STK17B: variants seen among roughly 807,000 people sequenced by gnomAD.
STK17B encodes serine/threonine-protein kinase 17B.
Under a neutral mutation model 42.0 loss-of-function variants are expected in STK17B, and 21 were observed. That is an observed-to-expected ratio of 0.50 (90% confidence interval 0.35 to 0.72). STK17B has a LOEUF of 0.72. STK17B is among the 30% of genes least tolerant of loss of function. The pLI is 0.00. For missense variants in STK17B, 349 were observed against 446.0 expected (o/e 0.78, Z 1.96); for synonymous variants, 143 against 148.4 (o/e 0.96, Z 0.26).
intron 6 of STK17B, among the ~76,000 whole-genome samples, chr2:196,140,107 A>G (rs899473035): frequency 2.6e-5 from 4 of 152,224 alleles, no homozygotes; most frequent in African/African-American, 9.6e-5. Flanking sequence ...AGCATTTCCT[A>G]AGTGGTTTCC....
chr2:196,142,063 T>C (rs188105364), intron 5 of STK17B, among the ~76,000 whole-genome samples: 1 of 152,352 alleles, frequency 6.6e-6, no homozygotes, highest in Admixed American at 6.5e-5. Context: ...ATGCTAGATT[T>C]TCTTTTTTCT....
At chr2:196,144,242 G>A (rs2105682711) in intron 4 of STK17B, among the ~76,000 whole-genome samples, 1 of 151,556 alleles carries the variant, frequency 6.6e-6, no homozygotes, top group African/African-American at 2.4e-5. Context: ...TGTAATCCCA[G>A]GACTTTGGGA....
At chr2:196,138,541 G>A (rs16845437) in intron 7 of STK17B, among the ~76,000 whole-genome samples, 10,153 of 151,796 alleles carry the variant, frequency 0.067, 854 homozygotes, top group African/African-American at 0.2. Context: ...TTTGAAAGAC[G>A]GTGCTTAACT....
chr2:196,158,014 T>C (rs1699761556), intron 2 of STK17B, among the ~76,000 whole-genome samples: 1 of 152,168 alleles, frequency 6.6e-6, no homozygotes, highest in Non-Finnish European at 1.5e-5. Flanking sequence ...GTATAGGGGA[T>C]CCAAAATTAA....
chr2:196,156,274 A>G (rs540526815), intron 3 of STK17B, 165 bp downstream of exon 3: 1 of 604,794 alleles, frequency 1.7e-6, no homozygotes, highest in African/African-American at 1.9e-5. Context: ...GCCCGAGGCT[A>G]TACATTTAGT....
At chr2:196,172,207 T>TG (rs1362088725), upstream of STK17B, among the ~76,000 whole-genome samples, 1 of 152,288 alleles carries the variant, frequency 6.6e-6, no homozygotes, top group South Asian at 2.1e-4. Context: ...CTGAAGGCAG[T>TG]GTAGGGAGGG....
At chr2:196,152,891 T>A (rs996873373) in intron 3 of STK17B, among the ~76,000 whole-genome samples, 5 of 152,190 alleles carry the variant, frequency 3.3e-5, no homozygotes, top group African/African-American at 1.2e-4. Flanking sequence ...GATTTTGCAG[T>A]ACAGGGGATA....
In STK17B at chr2:196,152,783, G is replaced by A. The variant is rs1401199020; in HGVS notation, c.335+3656C>T. Among the ~76,000 whole-genome samples, 7 of 152,148 alleles carry A rather than the reference G, an allele frequency of 4.6e-5. No homozygotes were observed. The East Asian group carries it at 1.4e-3, about 29-fold the overall frequency. ...AATATATACAAGTTTGCTTATATAT[G>A]CAAGAAGAAACATATAAAGAATGAG... On this transcript the variant is annotated intron_variant, in intron 3 of 7. Coordinates refer to ENST00000263955, the MANE Select transcript of STK17B (RefSeq NM_004226.4).
At chr2:196,175,332 T>C (rs1448304501), upstream of STK17B, among the ~76,000 whole-genome samples, 4 of 152,194 alleles carry the variant, frequency 2.6e-5, no homozygotes, top group African/African-American at 9.6e-5. Flanking sequence ...TTGAACAAAC[T>C]AAAGTTTTTC....
chr2:196,148,028 G>A (rs10931724), intron 3 of STK17B, among the ~76,000 whole-genome samples: 97,611 of 151,994 alleles, frequency 0.64, 31,649 homozygotes, highest in East Asian at 0.9. Flanking sequence ...GTGCCTGGCC[G>A]AGACATTAAT....
chr2:196,140,930 C>T (rs956022647), intron 6 of STK17B, among the ~76,000 whole-genome samples: 7 of 152,162 alleles, frequency 4.6e-5, no homozygotes, highest in African/African-American at 1.4e-4. Context: ...CTGTCTGCTG[C>T]TGCTTCTATG....
intron 1 of STK17B, among the ~76,000 whole-genome samples, chr2:196,169,129 T>G (rs988146387): frequency 8.4e-5 from 12 of 142,754 alleles, no homozygotes; most frequent in Admixed American, 3.0e-4. Context: ...CAGGCTGGAG[T>G]GCAGTGGCGT....
In STK17B at chr2:196,134,566, A is replaced by T. The variant is rs1699369403; in HGVS notation, c.*2881T>A. On this transcript the variant is annotated 3_prime_UTR_variant, in exon 8 of 8. Coordinates refer to ENST00000263955, the MANE Select transcript of STK17B (RefSeq NM_004226.4). ...GTCCCTAGTGCCAAAACAGTTGGAG[A>T]TCGCTCCACTAGAGAACAGTTAACG... 6.6e-6 allele frequency: 1 copy of T among 152,228 alleles called. No individual in the cohort carries two copies. The highest frequency in any genetic ancestry group is 2.1e-4 in the South Asian group (1 of 4,832). The allele number at this position is 152,228 out of a possible 1,614,324, so 9.4% of individuals were successfully genotyped here. A position where few individuals can be genotyped will look rare whatever the true frequency, so the allele number is the denominator to read the frequency against.
Position 196,159,019 on chromosome 2 carries a change from A to AC in STK17B, c.123-2369_123-2368insG, listed in dbSNP as rs538331614. 7.3e-5 allele frequency among the ~76,000 whole-genome samples: 11 copies of AC among 151,632 alleles called. No individual in the cohort carries two copies. In the South Asian group the frequency reaches 1.9e-3, roughly 26 times the overall value. On this transcript the variant is annotated intron_variant, in intron 2 of 7. Coordinates refer to ENST00000263955, the MANE Select transcript of STK17B (RefSeq NM_004226.4). Reference sequence around the variant, plus strand: ...GAGCAAGACTGTGTCTCAAAAAAAAAAAAAACAAAAAAACAGTTTTGTTAA... The same window carrying AC: ...GAGCAAGACTGTGTCTCAAAAAAAAACAAAAACAAAAAAACAGTTTTGTTAA...
intron 1 of STK17B, among the ~76,000 whole-genome samples, chr2:196,170,025 T>C (rs1024481324): frequency 6.6e-6 from 1 of 152,194 alleles, no homozygotes; most frequent in Non-Finnish European, 1.5e-5. Flanking sequence ...GCAGATGAGT[T>C]TAAAACTTTT....
At chr2:196,164,966 ACT>A (rs775090856) in intron 1 of STK17B, among the ~76,000 whole-genome samples, 22 of 152,190 alleles carry the variant, frequency 1.4e-4, no homozygotes, top group Non-Finnish European at 5.9e-5. Context: ...TAACCTTTAG[ACT>A]GAAAGACACC....
intron 5 of STK17B, 32 bp downstream of exon 5, chr2:196,143,528 A>C: frequency 6.4e-7 from 1 of 1,567,896 alleles, no homozygotes; most frequent in South Asian, 1.2e-5. Flanking sequence ...ATAAATTTCA[A>C]AATGGTATAG....
chr2:196,137,387 A>T lies in STK17B; in HGVS notation c.*60T>A. On this transcript the variant is annotated 3_prime_UTR_variant, in exon 8 of 8. Coordinates refer to ENST00000263955, the MANE Select transcript of STK17B (RefSeq NM_004226.4). ...GTCATATATGAAGCTACAAATCATA[A>T]TCTCACTGGAGTGGATATAAAATTT... 1 of 1,515,916 alleles carries T rather than the reference A, an allele frequency of 6.6e-7. No individual in the cohort carries two copies. Among genetic ancestry groups the T allele is most frequent in the Non-Finnish European group, 8.9e-7 (1 of 1,120,900 alleles). 93.9% of individuals were successfully genotyped at this position (1,515,916 alleles called of 1,614,324 possible). A position where few individuals can be genotyped will look rare whatever the true frequency, so the allele number is the denominator to read the frequency against.
At chr2:196,158,476 T>C (rs1282135081) in intron 2 of STK17B, among the ~76,000 whole-genome samples, 1 of 152,222 alleles carries the variant, frequency 6.6e-6, no homozygotes, top group African/African-American at 2.4e-5. Flanking sequence ...AAATATTTTC[T>C]CATTGTATGC....
Sources: gnomAD v4.1 joint callset for allele counts (sites outside exome capture counted in the v4.1 genomes callset) on GRCh38, gnomAD v4.1.1 for gene constraint, MANE v1.5 for transcripts, NCBI Gene and HGNC (gene_info 2026-07-23, HGNC 2026-07-21) for gene names.